The following AGBL4 variants were observed in gnomAD, a reference collection of about 807,000 sequenced individuals.
AGBL4 encodes the protein cytosolic carboxypeptidase 6.
AGBL4 carries 58 observed loss-of-function variants against 66.4 expected under a neutral mutation model. The observed-to-expected ratio is 0.87, with a 90% CI of 0.71 to 1.09. AGBL4 has a LOEUF of 1.09. Ranked by LOEUF, AGBL4 falls within the 50% of genes least tolerant of loss-of-function variation. The probability of loss-of-function intolerance (pLI) is 0.00; values close to 1 mark genes in which losing one functional copy is unlikely to be tolerated. For missense variants in AGBL4, 579 were observed against 631.0 expected (o/e 0.92, Z 0.88); for synonymous variants, 234 against 222.9 (o/e 1.05, Z -0.44).
intron 2 of AGBL4, among the ~76,000 whole-genome samples, chr1:49,810,016 C>A (rs1422117257): frequency 6.6e-6 from 1 of 152,152 alleles, no homozygotes; most frequent in Non-Finnish European, 1.5e-5. Flanking sequence ...AAAATATCTG[C>A]TTCTAAAACA....
chr1:49,727,906 T>A (rs1425587585), intron 2 of AGBL4, among the ~76,000 whole-genome samples: 1 of 152,174 alleles, frequency 6.6e-6, no homozygotes, highest in Admixed American at 6.6e-5. Context: ...GGTGAAATAA[T>A]GTTTTCTGAA....
intron 4 of AGBL4, among the ~76,000 whole-genome samples, chr1:49,097,777 C>T (rs930553567): frequency 2.0e-5 from 3 of 152,188 alleles, no homozygotes; most frequent in South Asian, 2.1e-4. Context: ...GACGAGGTTT[C>T]GCCATGTTGG....
At chr1:48,697,222 T>C (rs1400252888) in intron 6 of AGBL4, among the ~76,000 whole-genome samples, 1 of 152,212 alleles carries the variant, frequency 6.6e-6, no homozygotes, top group Non-Finnish European at 1.5e-5. Context: ...GGTTCATCTT[T>C]GGACATCACC....
chr1:49,574,090 T>C (rs1165636967), intron 3 of AGBL4, among the ~76,000 whole-genome samples: 1 of 152,136 alleles, frequency 6.6e-6, no homozygotes, highest in Admixed American at 6.5e-5. Flanking sequence ...TCTAGACCTA[T>C]AACTAAAGTC....
intron 3 of AGBL4, among the ~76,000 whole-genome samples, chr1:49,497,654 T>C (rs1048283819): frequency 2.6e-5 from 4 of 152,176 alleles, no homozygotes; most frequent in Non-Finnish European, 4.4e-5. Flanking sequence ...CTTTACTCAC[T>C]GTGTGTTTTG....
At chr1:49,358,893 C>T (rs888671004) in intron 3 of AGBL4, among the ~76,000 whole-genome samples, 4 of 152,154 alleles carry the variant, frequency 2.6e-5, no homozygotes, top group African/African-American at 7.2e-5. Context: ...AGTTTCAAAG[C>T]CTACTACAGT....
chr1:49,132,434 CT>C (rs1174202998), intron 4 of AGBL4, among the ~76,000 whole-genome samples: 1 of 152,072 alleles, frequency 6.6e-6, no homozygotes, highest in African/African-American at 2.4e-5. Flanking sequence ...CTGGGTAAAA[CT>C]TTTGACTCTA....
chr1:49,787,576 C>T (rs1227116782), intron 2 of AGBL4, among the ~76,000 whole-genome samples: 2 of 151,748 alleles, frequency 1.3e-5, no homozygotes, highest in Non-Finnish European at 2.9e-5. Flanking sequence ...AGGTTGAGTA[C>T]TATGTCGGGA....
chr1:48,803,465 G>A (rs1316275129), intron 6 of AGBL4, among the ~76,000 whole-genome samples: 1 of 152,176 alleles, frequency 6.6e-6, no homozygotes, highest in Non-Finnish European at 1.5e-5. Flanking sequence ...CATCAAAGGA[G>A]GAAAGCTATC....
intron 11 of AGBL4, among the ~76,000 whole-genome samples, chr1:48,578,724 A>T (rs563827771): frequency 6.6e-6 from 1 of 152,334 alleles, no homozygotes; most frequent in Non-Finnish European, 1.5e-5. Flanking sequence ...GTGGATTAGC[A>T]GATGTTGGGT....
chr1:49,821,007 G>T (rs1028080536), intron 2 of AGBL4, among the ~76,000 whole-genome samples: 1 of 152,130 alleles, frequency 6.6e-6, no homozygotes, highest in Non-Finnish European at 1.5e-5. Context: ...ATCATAAAAT[G>T]CTTACAAATA....
chr1:48,535,173 T>C (rs1255256359), intron 12 of AGBL4, among the ~76,000 whole-genome samples: 1 of 151,872 alleles, frequency 6.6e-6, no homozygotes, highest in Non-Finnish European at 1.5e-5. Flanking sequence ...CAGAAGGACT[T>C]AGGGAGGGTG....
intron 7 of AGBL4, among the ~76,000 whole-genome samples, chr1:48,655,267 A>G (rs1646001590): frequency 6.6e-6 from 1 of 152,238 alleles, no homozygotes; most frequent in Admixed American, 6.5e-5. Context: ...GATACAATAT[A>G]AAATCATTCC....
intron 6 of AGBL4, among the ~76,000 whole-genome samples, chr1:48,813,455 G>T (rs191388011): frequency 1.4e-4 from 21 of 152,288 alleles, no homozygotes; most frequent in Admixed American, 1.2e-3. Context: ...GCATTAGGGA[G>T]GTCTGGACTC....
intron 2 of AGBL4, among the ~76,000 whole-genome samples, chr1:49,836,223 T>C (rs1329776015): frequency 1.3e-5 from 2 of 152,198 alleles, no homozygotes; most frequent in East Asian, 3.9e-4. Flanking sequence ...CAATCAAACA[T>C]AGGTTTGGTC....
intron 5 of AGBL4, among the ~76,000 whole-genome samples, chr1:48,982,036 ATGG>A (rs1659815101): frequency 6.6e-6 from 1 of 152,170 alleles, no homozygotes; most frequent in Non-Finnish European, 1.5e-5. Flanking sequence ...AGGTAGATAA[ATGG>A]TGAAGAACCT....
chr1:49,877,602 A>T (rs1031993331), intron 1 of AGBL4, among the ~76,000 whole-genome samples: 4 of 151,940 alleles, frequency 2.6e-5, no homozygotes, highest in Non-Finnish European at 4.4e-5. Flanking sequence ...TTCATCAAGG[A>T]TATTGGTCTA....
chr1:49,010,408 T>C (rs1041260800), intron 5 of AGBL4, among the ~76,000 whole-genome samples: 2 of 132,426 alleles, frequency 1.5e-5, no homozygotes, highest in African/African-American at 5.9e-5. Context: ...GAACATTCCA[T>C]GCTCATGGGT....
intron 4 of AGBL4, among the ~76,000 whole-genome samples, chr1:49,075,274 C>T (rs1571385837): frequency 6.6e-6 from 1 of 151,884 alleles, no homozygotes; most frequent in African/African-American, 2.4e-5. Context: ...GAAAATGAAA[C>T]AAAGTTTGAA....
Sources: allele counts gnomAD v4.1 joint callset (sites outside exome capture counted in the v4.1 genomes callset), GRCh38; gene constraint gnomAD v4.1.1; transcripts MANE v1.5; gene names NCBI Gene and HGNC (gene_info 2026-07-23, HGNC 2026-07-21).